The following SLC31A1 variants were observed in gnomAD, a reference collection of about 807,000 sequenced individuals.
The protein encoded by SLC31A1 is solute carrier family 31 member 1, also known as high affinity copper uptake protein 1.
SLC31A1 carries 5 observed loss-of-function variants against 17.2 expected under a neutral mutation model. The observed-to-expected ratio is 0.29, with a 90% CI of 0.15 to 0.61. The LOEUF is 0.61. Among genes scored for constraint, SLC31A1 ranks in the 20% least tolerant of loss-of-function variants. SLC31A1 has a pLI of 0.86. For synonymous variants in SLC31A1, 76 were observed against 78.8 expected (o/e 0.96, Z 0.19); for missense variants, 161 against 241.4 (o/e 0.67, Z 2.21).
At chr9:113,252,322 G>A (rs1189744077) in intron 1 of SLC31A1, among the ~76,000 whole-genome samples, 1 of 152,146 alleles carries the variant, frequency 6.6e-6, no homozygotes, top group Non-Finnish European at 1.5e-5. Context: ...TTGAGATGGA[G>A]TCTCGGTCTG....
In SLC31A1 at chr9:113,258,759, C is replaced by T. The variant is rs748067480; in HGVS notation, c.268C>T (p.Arg90Ter). The T allele has an allele frequency of 2.4e-5, 39 of 1,614,036 alleles. No homozygotes were observed. Among genetic ancestry groups the T allele is most frequent in the Non-Finnish European group, 3.1e-5 (37 of 1,180,034 alleles). Residue 90 changes from arginine to a stop codon, truncating the protein, a stop_gained, in exon 4 of 5, where the codon CGA becomes TGA. Transcript: ENST00000374212. LOFTEE classifies it high-confidence loss of function. The surrounding 1 kb of genome is among the most constrained non-coding windows in gnomAD (Gnocchi z 4.8). ...GTTCTATGAAGGACTCAAGATAGCC[C>T]GAGAGAGCCTGCTGCGTAAGTCACA... ...AMFYEGLKIARESLLRKSQVS... is the reference protein window; with the variant it reads ...AMFYEGLKIA
chr9:113,223,098 T>C lies in SLC31A1; in HGVS notation c.-36+1420T>C, dbSNP rs1831302387. ...AATGGCCAAGGGAATATTTGAACTC[T>C]TATCTTGTATTCTTGGGTGGAGCTG... On this transcript the variant is annotated intron_variant, in intron 1 of 4. Coordinates refer to ENST00000374212, the MANE Select transcript of SLC31A1 (RefSeq NM_001859.4). The C allele has an allele frequency of 2.4e-5, 6 of 245,004 alleles. 1 individual carries two copies. The highest frequency in any genetic ancestry group is 2.1e-4 in the South Asian group (5 of 23,610). 15.2% of individuals were successfully genotyped at this position (245,004 alleles called of 1,614,324 possible).
chr9:113,258,653 A>G lies in SLC31A1; in HGVS notation c.203-41A>G. Reference sequence around the variant, plus strand: ...ACAGCACATTGGCTAATGATTTTGCACATGTTTGACAGTACCTCCATATTT... The same window carrying G: ...ACAGCACATTGGCTAATGATTTTGCGCATGTTTGACAGTACCTCCATATTT... On this transcript the variant is annotated intron_variant, in intron 3 of 4. Transcript: ENST00000374212. The surrounding 1 kb of genome is among the most constrained non-coding windows in gnomAD (Gnocchi z 4.8). 6.2e-7 allele frequency: 1 copy of G among 1,610,154 alleles called. No homozygotes were observed. Among genetic ancestry groups the G allele is most frequent in the Non-Finnish European group, 8.5e-7 (1 of 1,177,234 alleles).
intron 1 of SLC31A1, among the ~76,000 whole-genome samples, chr9:113,240,220 A>G (rs1312449723): frequency 6.6e-6 from 1 of 152,124 alleles, no homozygotes; most frequent in Non-Finnish European, 1.5e-5. Context: ...ATTTGCTTAC[A>G]TTTTTACTGA....
intron 1 of SLC31A1, among the ~76,000 whole-genome samples, chr9:113,234,715 C>A (rs770338208): frequency 6.6e-6 from 1 of 151,822 alleles, no homozygotes; most frequent in African/African-American, 2.4e-5. Flanking sequence ...TTATTTTTAC[C>A]CAAACTTCCC....
At chr9:113,223,626 G>A (rs1831311419) in intron 1 of SLC31A1, among the ~76,000 whole-genome samples, 1 of 152,030 alleles carries the variant, frequency 6.6e-6, no homozygotes. Flanking sequence ...AAAATATATT[G>A]TCAACCCCCA....
chr9:113,226,071 G>T (rs1831337930), intron 1 of SLC31A1, among the ~76,000 whole-genome samples: 1 of 151,916 alleles, frequency 6.6e-6, no homozygotes, highest in South Asian at 2.1e-4. Context: ...GAGAGGCGGA[G>T]GTTGCAGTGA....
Position 113,260,724 on chromosome 9 carries a change from G to GAGAT in SLC31A1, c.*252_*255dup. 1 of 521,574 alleles carries GAGAT rather than the reference G, an allele frequency of 1.9e-6. No homozygotes were observed. The highest frequency in any genetic ancestry group is 3.5e-6 in the Non-Finnish European group (1 of 285,850). 32.3% of individuals were successfully genotyped at this position (521,574 alleles called of 1,614,324 possible). On this transcript the variant is annotated 3_prime_UTR_variant, in exon 5 of 5. Coordinates refer to ENST00000374212, the MANE Select transcript of SLC31A1 (RefSeq NM_001859.4). ...TTTCTCTTAAGGAGAAGCCACCCAT[G>GAGAT]AGATGTCTTTTCCTTCTCCATCATC...
intron 1 of SLC31A1, among the ~76,000 whole-genome samples, chr9:113,231,503 G>T (rs1435994143): frequency 6.6e-6 from 1 of 151,592 alleles, no homozygotes; most frequent in Admixed American, 6.6e-5. Context: ...GGTGTAGGCC[G>T]CAGTGAGCTG....
chr9:113,245,874 TCTGC>T (rs1167436804), intron 1 of SLC31A1, among the ~76,000 whole-genome samples: 5 of 152,062 alleles, frequency 3.3e-5, no homozygotes, highest in Non-Finnish European at 5.9e-5. Flanking sequence ...GCTTAAGCGA[TCTGC>T]CTGCCTCGGC....
intron 1 of SLC31A1, among the ~76,000 whole-genome samples, chr9:113,251,606 T>C (rs1219004585): frequency 6.6e-6 from 1 of 152,160 alleles, no homozygotes; most frequent in African/African-American, 2.4e-5. Flanking sequence ...GAATTTCTAT[T>C]CTAGAGAGAA....
intron 1 of SLC31A1, among the ~76,000 whole-genome samples, chr9:113,253,958 C>CTTTT (rs397967653): frequency 0.03 from 3,291 of 110,346 alleles, 164 homozygotes; most frequent in African/African-American, 0.038. Flanking sequence ...TACCCACAGT[C>CTTTT]TTTTTTTTTT....
intron 1 of SLC31A1, among the ~76,000 whole-genome samples, chr9:113,253,357 GA>G (rs1831682741): frequency 6.6e-6 from 1 of 152,024 alleles, no homozygotes. Context: ...CTCTTTATCT[GA>G]AAACAGCTGC....
chr9:113,227,899 A>G (rs911809051), intron 1 of SLC31A1, among the ~76,000 whole-genome samples: 1 of 152,244 alleles, frequency 6.6e-6, no homozygotes, highest in East Asian at 1.9e-4. Context: ...GAAAGGCTGT[A>G]TACTTCAAGA....
At chr9:113,252,705 T>C (rs975513227) in intron 1 of SLC31A1, among the ~76,000 whole-genome samples, 5 of 152,242 alleles carry the variant, frequency 3.3e-5, no homozygotes, top group African/African-American at 1.2e-4. Flanking sequence ...AAAGACTCCA[T>C]GTGATGTTCA....
At chr9:113,224,643 G>A (rs1392853217) in intron 1 of SLC31A1, among the ~76,000 whole-genome samples, 1 of 152,196 alleles carries the variant, frequency 6.6e-6, no homozygotes, top group African/African-American at 2.4e-5. Context: ...GGTCAGGCTG[G>A]TCTGGAACTC....
intron 1 of SLC31A1, among the ~76,000 whole-genome samples, chr9:113,228,932 T>C (rs10125992): frequency 0.47 from 71,348 of 151,390 alleles, 17,075 homozygotes; most frequent in South Asian, 0.59. Flanking sequence ...TTGCAACCTC[T>C]GCCTCCTGGG....
At chr9:113,233,283 A>T (rs2118988666) in intron 1 of SLC31A1, among the ~76,000 whole-genome samples, 1 of 151,254 alleles carries the variant, frequency 6.6e-6, no homozygotes, top group Admixed American at 6.6e-5. Flanking sequence ...GTGTATTTGA[A>T]TAGCTGCCAT....
intron 1 of SLC31A1, among the ~76,000 whole-genome samples, chr9:113,255,620 G>A (rs1204922925): frequency 6.6e-6 from 1 of 152,130 alleles, no homozygotes; most frequent in African/African-American, 2.4e-5. Flanking sequence ...GGAGGCTGAG[G>A]TTGAGGCTGT....
Sources: gnomAD v4.1 joint callset for allele counts (sites outside exome capture counted in the v4.1 genomes callset) on GRCh38, gnomAD v4.1.1 for gene constraint, Gnocchi (gnomAD v3.1) non-coding constraint, MANE v1.5 for transcripts, NCBI Gene and HGNC (gene_info 2026-07-23, HGNC 2026-07-21) for gene names.